The following PGC variants were observed in gnomAD, a reference collection of about 807,000 sequenced individuals.
PGC encodes the protein progastricsin, also known as gastricsin.
A neutral mutation model predicts 45.9 loss-of-function variants in PGC; 31 were observed. The ratio of observed to expected loss-of-function variants is 0.67; its 90% CI spans 0.51 to 0.91. The LOEUF (loss-of-function observed/expected upper bound fraction) is 0.91, where lower values mean the gene tolerates loss of function less well. PGC is among the 40% of genes least tolerant of loss of function. PGC has a pLI of 0.00. For synonymous variants in PGC, 192 were observed against 201.8 expected, an observed-to-expected ratio of 0.95 and a Z score of 0.41; for missense variants, 477 against 493.2, an observed-to-expected ratio of 0.97 and a Z score of 0.31.
At chr6:41,746,076 C>T (rs570406652) in intron 1 of PGC, among the ~76,000 whole-genome samples, 9 of 152,000 alleles carry the variant, frequency 5.9e-5, no homozygotes, top group Admixed American at 2.6e-4. Flanking sequence ...GTGGGAGAAT[C>T]GCTTGAACCT....
chr6:41,737,749 G>A lies in PGC; in HGVS notation c.995C>T (p.Pro332Leu), dbSNP rs988065079. The change falls in exon 8 of 9, where the codon CCT (proline) becomes CTT (leucine). Residue 332 changes from proline to leucine, a missense_variant. Physicochemically the swap from Pro to Leu is moderately conservative, Grantham distance 98 (BLOSUM62 -3). Transcript: ENST00000373025. ...ACTTACACTGAGGATATAGGAGGAAGGTGGCAGAGGGAACTCCACACCATT... is the reference window on the plus strand; with the variant it reads ...ACTTACACTGAGGATATAGGAGGAAAGTGGCAGAGGGAACTCCACACCATT... ...IINGVEFPLP[P>L]SSYILSNNGY... 4 of 1,603,076 alleles carry A rather than the reference G, an allele frequency of 2.5e-6. No individual in the cohort carries two copies. The highest frequency in any genetic ancestry group is 3.4e-6 in the Non-Finnish European group (4 of 1,170,084).
Position 41,739,880 on chromosome 6 carries a change from G to T in PGC, c.834C>A (p.Gly278=). ...SEGCQAIVDT[G]TSLLTVPQQY... is the part of the protein sequence containing the mutation. The stretch of plus-strand genomic sequence containing the variant: ...GCTGGGGCACAGTGAGCAGAGAGGT[G>T]CCTGTGTCCACGATGGCCTGGCAAC... The change falls in exon 7 of 9, where the codon GGC becomes GGA. Residue 278 remains glycine (G), a synonymous_variant. Transcript: ENST00000373025. The T allele has an allele frequency of 1.2e-6, 2 of 1,614,014 alleles. No individual in the cohort carries two copies. The highest frequency in any genetic ancestry group is 1.7e-6 in the Non-Finnish European group (2 of 1,179,958).
rs555827184 is a variant in PGC, at chr6:41,742,926, C to T, written c.447+345G>A. The stretch of plus-strand genomic sequence containing the variant: ...GGCGTGAGCCACCGTAGCCAGCCAC[C>T]TCTGCCTCTTGACAGGTGTTGCAGG... On this transcript the variant is annotated intron_variant, in intron 4 of 8. Coordinates refer to ENST00000373025, the MANE Select transcript of PGC (RefSeq NM_002630.4). Among the ~76,000 whole-genome samples the T allele has an allele frequency of 9.8e-4, 150 of 152,298 alleles. 1 individual carries two copies. The highest frequency in any genetic ancestry group is 1.7e-3 in the Non-Finnish European group (116 of 68,014).
At chr6:41,737,093 G>C in intron 8 of PGC, 89 bp from the exon 9 acceptor site, 1 of 1,314,470 alleles carries the variant, frequency 7.6e-7, no homozygotes, top group South Asian at 1.4e-5. Context: ...GGGAGCACAA[G>C]TGCAGAGCTG....
chr6:41,738,218 ATATATATG>A (rs1423659433), intron 7 of PGC, among the ~76,000 whole-genome samples: 16 of 37,606 alleles, frequency 4.3e-4, no homozygotes, highest in African/African-American at 1.3e-3. Flanking sequence ...ATATATGCAT[ATATATATG>A]CATATATATA....
chr6:41,741,066 G>C, intron 5 of PGC: 1 of 1,537,156 alleles, frequency 6.5e-7, no homozygotes, highest in South Asian at 1.2e-5. Context: ...TCCGCTTCCT[G>C]CCTCTGGTAG....
Position 41,744,705 on chromosome 6 carries a change from G to T in PGC, c.163C>A (p.Arg55Ser). The change falls in exon 2 of 9, where the codon CGC (arginine) becomes AGC (serine). Residue 55 changes from arginine to serine, a missense_variant. Arg to Ser is a moderately radical substitution (Grantham distance 110). Coordinates refer to ENST00000373025, the MANE Select transcript of PGC (RefSeq NM_002630.4). The surrounding 1 kb of genome is among the most constrained non-coding windows in gnomAD (Gnocchi z 4.4). ...TAGGTCACGCTGAGGTCACCAAAGC[G>T]GTACTTCCAAGCAGGATCATACTTG... Reference protein sequence around the residue: ...THKYDPAWKYRFGDLSVTYEP... With the variant: ...THKYDPAWKYSFGDLSVTYEP... 1 of 1,614,128 alleles carries T rather than the reference G, an allele frequency of 6.2e-7. No homozygotes were observed. The highest frequency in any genetic ancestry group is 8.5e-7 in the Non-Finnish European group (1 of 1,179,998).
chr6:41,737,051 G>GCTGGGCCCTGCTCAGCTCTGAGCC, intron 8 of PGC, 47 bp from the exon 9 acceptor site: 1 of 1,555,670 alleles, frequency 6.4e-7, no homozygotes, highest in Non-Finnish European at 8.7e-7. Context: ...CCACACATGA[G>GCTGGGCCCTGCTCAGCTCTGAGCC]CTGGGCCCTG....
rs778630995 is a variant in PGC at position 41,740,589 on chromosome 6, T to TC, written c.668dup (p.Ala224SerfsTer9). On this transcript the variant is annotated frameshift_variant, in exon 6 of 9. Transcript: ENST00000373025. LOFTEE classifies it high-confidence loss of function. The stretch of plus-strand genomic sequence containing the variant: ...TATCCACACCCCCAAAGACAACCGC[T>TC]CCCCCGCTGGAGCCCTGCTGGCTGC... 134 of 1,599,102 alleles carry TC rather than the reference T, an allele frequency of 8.4e-5. No homozygotes were observed. Among genetic ancestry groups the TC allele is most frequent in the Non-Finnish European group, 1.1e-4 (133 of 1,173,350 alleles).
chr6:41,738,239 T>TATATATATACATATATATATAC (rs1561880028), intron 7 of PGC, among the ~76,000 whole-genome samples: 2 of 49,866 alleles, frequency 4.0e-5, no homozygotes, highest in African/African-American at 1.9e-4. Flanking sequence ...TATATATATG[T>TATATATATACATATATATATAC]ATATATATAT....
In PGC at chr6:41,736,729, T is replaced by A. The variant is rs1277100405; in HGVS notation, c.*123A>T. Reference sequence around the variant, plus strand: ...ACCAACATAAAGAAGAACTATTTATTATTAGAGAAAGTCCAGAGTCCAGAA... The same window carrying A: ...ACCAACATAAAGAAGAACTATTTATAATTAGAGAAAGTCCAGAGTCCAGAA... On this transcript the variant is annotated 3_prime_UTR_variant, in exon 9 of 9. Coordinates refer to ENST00000373025, the MANE Select transcript of PGC (RefSeq NM_002630.4). 1 of 1,021,118 alleles carries A rather than the reference T, an allele frequency of 9.8e-7. No individual in the cohort carries two copies. The highest frequency in any genetic ancestry group is 2.0e-4 in the Middle Eastern group (1 of 4,914). The allele number at this position is 1,021,118 out of a possible 1,614,324, so 63.3% of individuals were successfully genotyped here. A position where few individuals can be genotyped will look rare whatever the true frequency, so the allele number is the denominator to read the frequency against.
chr6:41,745,616 C>A (rs1394218165), intron 1 of PGC, among the ~76,000 whole-genome samples: 1 of 147,796 alleles, frequency 6.8e-6, no homozygotes, highest in African/African-American at 2.5e-5. Flanking sequence ...ATGGCTTGAT[C>A]TCGGCTCACC....
At chr6:41,741,101 G>A (rs763931738) in intron 5 of PGC, 74 of 1,536,838 alleles carry the variant, frequency 4.8e-5, no homozygotes, top group South Asian at 1.7e-4. Flanking sequence ...TCCCCACCCC[G>A]GCCCAGCTTG....
chr6:41,746,310 C>A (rs1220374673), intron 1 of PGC, among the ~76,000 whole-genome samples: 4 of 152,232 alleles, frequency 2.6e-5, no homozygotes, highest in Non-Finnish European at 5.9e-5. Flanking sequence ...GACACAGAGT[C>A]CTAGTTCTGT....
At chr6:41,737,062 C>T in intron 8 of PGC, 58 bp from the exon 9 acceptor site, 1 of 1,531,134 alleles carries the variant, frequency 6.5e-7, no homozygotes, top group Non-Finnish European at 8.9e-7. Context: ...CTGGGCCCTG[C>T]TCAGCTCTGA....
chr6:41,745,847 C>A (rs1163488198), intron 1 of PGC, among the ~76,000 whole-genome samples: 1 of 151,720 alleles, frequency 6.6e-6, no homozygotes, highest in East Asian at 2.0e-4. Context: ...CTGCGCCCAG[C>A]CCAGGAAATG....
chr6:41,737,163 G>A (rs866207443), intron 8 of PGC, among the ~76,000 whole-genome samples, 159 bp from the exon 9 acceptor site: 21 of 152,292 alleles, frequency 1.4e-4, no homozygotes, highest in African/African-American at 2.4e-4. Context: ...AGAGCAGAGC[G>A]GGTGGGAGGA....
chr6:41,742,292 G>A lies in PGC; in HGVS notation c.645C>T (p.Ser215=). The part of the protein sequence containing the change: ...LTSPVFSVYL[S]NQQGSSGGAV... ...GGACTGGCCAGCTGGTTGCTCACTT[G>A]CTGAGGTAGACGCTGAAGACGGGGC... The change falls in exon 5 of 9, where the codon AGC becomes AGT. Residue 215 remains serine (S), a splice_region_variant and synonymous_variant. Transcript: ENST00000373025. 1 of 1,613,446 alleles carries A rather than the reference G, an allele frequency of 6.2e-7. No individual in the cohort carries two copies. Among genetic ancestry groups the A allele is most frequent in the Non-Finnish European group, 8.5e-7 (1 of 1,179,690 alleles).
intron 5 of PGC, chr6:41,741,273 A>G (rs1561881212): frequency 1.8e-5 from 25 of 1,415,770 alleles, no homozygotes; most frequent in Non-Finnish European, 2.0e-5. Flanking sequence ...AGAGGAAGTT[A>G]GCAACATTAG....
Sources: allele counts gnomAD v4.1 joint callset (sites outside exome capture counted in the v4.1 genomes callset), GRCh38; gene constraint gnomAD v4.1.1; non-coding constraint Gnocchi (gnomAD v3.1); transcripts MANE v1.5; gene names NCBI Gene and HGNC (gene_info 2026-07-23, HGNC 2026-07-21).